The following KANK1 variants were observed in gnomAD, a reference collection of about 807,000 sequenced individuals.
KANK1 encodes KN motif and ankyrin repeat domains 1.
KANK1 carries 109 observed loss-of-function variants against 106.2 expected under a neutral mutation model. That is an observed-to-expected ratio of 1.03 (90% CI 0.88 to 1.20). The LOEUF is 1.20. KANK1 is among the 50% of genes most tolerant of loss of function. The pLI is 0.00. For missense variants in KANK1, 2,399 were observed against 1,710.7 expected (o/e 1.40, Z -7.10); for synonymous variants, 873 against 652.2 (o/e 1.34, Z -5.16).
chr9:635,630 A>T lies in KANK1; in HGVS notation c.-83-41260A>T, dbSNP rs546686796. ...ATTCTATATGAGTAGAATAAGAAAAAGTTAATGTGGCATTCACAATTTATT... is the reference window on the plus strand; with the variant it reads ...ATTCTATATGAGTAGAATAAGAAAATGTTAATGTGGCATTCACAATTTATT... On this transcript the variant is annotated intron_variant, in intron 1 of 11. Transcript: ENST00000382297. Among the ~76,000 whole-genome samples the T allele has an allele frequency of 3.0e-3, 452 of 152,082 alleles. 4 individuals are homozygous for T. The highest frequency in any genetic ancestry group is 0.01 in the African/African-American group (433 of 41,472).
chr9:603,068 T>C (rs1828180479), intron 1 of KANK1, among the ~76,000 whole-genome samples: 1 of 151,832 alleles, frequency 6.6e-6, no homozygotes, highest in Non-Finnish European at 1.5e-5. Flanking sequence ...TTCTTACATA[T>C]GGGGAAAGAG....
intron 1 of KANK1, among the ~76,000 whole-genome samples, chr9:574,643 TGAG>T (rs1820072282): frequency 6.6e-6 from 1 of 151,412 alleles, no homozygotes; most frequent in Non-Finnish European, 1.5e-5. Context: ...GATCCTGAGG[TGAG>T]GAGTTCAAGA....
chr9:658,198 C>G (rs1842553178), intron 1 of KANK1, among the ~76,000 whole-genome samples: 2 of 152,112 alleles, frequency 1.3e-5, no homozygotes, highest in African/African-American at 4.8e-5. Flanking sequence ...AGAGCTGCCT[C>G]TCTTTAAAGA....
At chr9:632,116 C>G (rs1588422674) in intron 1 of KANK1, among the ~76,000 whole-genome samples, 1 of 152,192 alleles carries the variant, frequency 6.6e-6, no homozygotes, top group Non-Finnish European at 1.5e-5. Flanking sequence ...AACATTTGAC[C>G]TTCAATTTAA....
intron 2 of KANK1, among the ~76,000 whole-genome samples, chr9:678,668 G>C (rs1169024988): frequency 6.6e-6 from 1 of 152,210 alleles, no homozygotes; most frequent in Non-Finnish European, 1.5e-5. Context: ...AGAGGTTGCA[G>C]TGGGCCCAGA....
intron 1 of KANK1, among the ~76,000 whole-genome samples, chr9:527,333 C>G (rs1181937831): frequency 6.6e-6 from 1 of 151,734 alleles, no homozygotes; most frequent in Admixed American, 6.6e-5. Context: ...TGGAGTTTCA[C>G]TCTTGTCGCC....
At chr9:692,507 CTTTTT>C (rs5895860) in intron 2 of KANK1, among the ~76,000 whole-genome samples, 1 of 142,342 alleles carries the variant, frequency 7.0e-6, no homozygotes, top group Non-Finnish European at 1.5e-5. Context: ...TTTTTTCTTC[CTTTTT>C]TTTTTTTTTA....
rs149581559 is a variant in KANK1, at chr9:512,978, A to C, written c.-84+8224A>C. Among the ~76,000 whole-genome samples the C allele has an allele frequency of 5.8e-3, 881 of 152,128 alleles. 7 individuals are homozygous for C. The highest frequency in any genetic ancestry group is 0.019 in the African/African-American group (793 of 41,486). On this transcript the variant is annotated intron_variant, in intron 1 of 11. Coordinates refer to ENST00000382297, the MANE Select transcript of KANK1 (RefSeq NM_015158.5). ...GTCCATTCTTTACCAGGCCGTAGAG[A>C]TATGGAAAACTCAGGTTTGTTGAAG... is the stretch of plus-strand genomic sequence containing the variant.
chr9:604,801 G>A (rs1441608952), intron 1 of KANK1, among the ~76,000 whole-genome samples: 1 of 151,868 alleles, frequency 6.6e-6, no homozygotes, highest in African/African-American at 2.4e-5. Flanking sequence ...CTGCACTTCA[G>A]CCTGTGTAAC....
chr9:622,271 C>CA (rs1427915249), intron 1 of KANK1, among the ~76,000 whole-genome samples: 3 of 152,168 alleles, frequency 2.0e-5, no homozygotes, highest in African/African-American at 7.2e-5. Context: ...TGTATATTGT[C>CA]ACTTCATGCT....
At chr9:709,270 C>G (rs1825232402) in intron 2 of KANK1, among the ~76,000 whole-genome samples, 1 of 152,224 alleles carries the variant, frequency 6.6e-6, no homozygotes, top group Non-Finnish European at 1.5e-5. Flanking sequence ...CTGTGTGCTT[C>G]TACTCATGCT....
chr9:694,468 G>A (rs993311285), intron 2 of KANK1, among the ~76,000 whole-genome samples: 1 of 152,194 alleles, frequency 6.6e-6, no homozygotes, highest in African/African-American at 2.4e-5. Flanking sequence ...TTTAAAATGA[G>A]ACAGTGGACA....
chr9:732,906 C>T (rs1832711351), intron 6 of KANK1: 1 of 244,184 alleles, frequency 4.1e-6, no homozygotes, highest in Non-Finnish European at 7.9e-6. Context: ...TGTTTGAACA[C>T]CTTACCTTAT....
At position 649,064 on chromosome 9, in the gene KANK1, T is replaced by C. The variant is rs548239751; in HGVS notation, c.-83-27826T>C. Among the ~76,000 whole-genome samples the C allele has an allele frequency of 6.4e-4, 98 of 152,324 alleles. 1 individual carries two copies. The highest frequency in any genetic ancestry group is 2.3e-3 in the African/African-American group (96 of 41,552). The stretch of plus-strand genomic sequence containing the variant: ...CATCTGACGTTATTGTCAGCCTTTC[T>C]TAGTACCCATGGTATGTTTTTACTG... On this transcript the variant is annotated intron_variant, in intron 1 of 11. Coordinates refer to ENST00000382297, the MANE Select transcript of KANK1 (RefSeq NM_015158.5).
chr9:740,792 A>C lies in KANK1; in HGVS notation c.3554A>C (p.Asp1185Ala), dbSNP rs1278099765. The C allele has an allele frequency of 6.4e-7, 1 of 1,562,436 alleles. No individual in the cohort carries two copies. The highest frequency in any genetic ancestry group is 8.7e-7 in the Non-Finnish European group (1 of 1,152,560). Reference protein sequence around the residue: ...FEIVKLLLDADVCNVDHQNKA... With the variant: ...FEIVKLLLDAAVCNVDHQNKA... Reference sequence around the variant, plus strand: ...GACTTTTTTTTTTTTTTTTTTACAGATGTGTGTAATGTGGATCACCAGAAC... The same window carrying C: ...GACTTTTTTTTTTTTTTTTTTACAGCTGTGTGTAATGTGGATCACCAGAAC... The change falls in exon 9 of 12, where the codon GAT becomes GCT. Residue 1185 changes from aspartate to alanine, a missense_variant and splice_region_variant. Physicochemically the swap from Asp to Ala is moderately radical, Grantham distance 126. Coordinates refer to ENST00000382297, the MANE Select transcript of KANK1 (RefSeq NM_015158.5).
At chr9:555,937 A>G (rs556509396) in intron 1 of KANK1, among the ~76,000 whole-genome samples, 16 of 152,362 alleles carry the variant, frequency 1.1e-4, no homozygotes, top group African/African-American at 3.8e-4. Flanking sequence ...TAACTTGTGT[A>G]GACAAACATC....
intron 1 of KANK1, among the ~76,000 whole-genome samples, chr9:555,047 G>T (rs2061498110): frequency 6.6e-6 from 1 of 152,212 alleles, no homozygotes; most frequent in African/African-American, 2.4e-5. Flanking sequence ...GTTGGCACGT[G>T]AAATTAACCT....
chr9:494,730 T>A (rs527339404), intron 3 of KANK1, among the ~76,000 whole-genome samples: 113 of 152,340 alleles, frequency 7.4e-4, no homozygotes, highest in Non-Finnish European at 1.5e-3. Context: ...GGATCTATAC[T>A]GGCTGTATAG....
At position 645,979 on chromosome 9, in the gene KANK1, T is replaced by C. The variant is rs80307196; in HGVS notation, c.-83-30911T>C. 4.5e-3 allele frequency among the ~76,000 whole-genome samples: 678 copies of C among 151,106 alleles called. 52 individuals are homozygous for C. Among genetic ancestry groups the C allele is most frequent in the African/African-American group, 0.016 (639 of 40,410 alleles). ...AACACTTATTGAATGCTTACCCATT[T>C]GACTGGATGATGCGTAGGAATAACA... On this transcript the variant is annotated intron_variant, in intron 1 of 11. Coordinates refer to ENST00000382297, the MANE Select transcript of KANK1 (RefSeq NM_015158.5).
Sources: allele counts gnomAD v4.1 joint callset (sites outside exome capture counted in the v4.1 genomes callset), GRCh38; gene constraint gnomAD v4.1.1; transcripts MANE v1.5; gene names NCBI Gene and HGNC (gene_info 2026-07-23, HGNC 2026-07-21).